The following CSMD1 variants were observed in gnomAD, a reference collection of about 807,000 sequenced individuals.
CSMD1 encodes CUB and Sushi multiple domains 1.
Under a neutral mutation model 417.5 loss-of-function variants are expected in CSMD1, and 213 were observed. That is an observed-to-expected ratio of 0.51 (90% CI 0.46 to 0.57). The LOEUF (loss-of-function observed/expected upper bound fraction) is 0.57, where lower values mean the gene tolerates loss of function less well. CSMD1 is among the 20% of genes least tolerant of loss of function. The pLI, the probability that CSMD1 is intolerant of heterozygous loss-of-function variation, is 0.00. For missense variants in CSMD1, 6,923 were observed against 4,529.7 expected, an observed-to-expected ratio of 1.53 and a Z score of -15.17; for synonymous variants, 2,862 against 1,736.8, an observed-to-expected ratio of 1.65 and a Z score of -16.11.
At chr8:3,451,276 T>A (rs547026272) in intron 12 of CSMD1, among the ~76,000 whole-genome samples, 1 of 152,358 alleles carries the variant, frequency 6.6e-6, no homozygotes, top group African/African-American at 2.4e-5. Flanking sequence ...GCCTGTTCAC[T>A]CTGATGGTAG....
At chr8:3,258,939 C>T (rs181958558) in intron 26 of CSMD1, among the ~76,000 whole-genome samples, 9 of 152,044 alleles carry the variant, frequency 5.9e-5, no homozygotes, top group Admixed American at 2.0e-4. Context: ...TGCGGTCTCC[C>T]GGATGGTGGA....
chr8:4,418,701 T>C (rs1338469165), intron 3 of CSMD1, among the ~76,000 whole-genome samples: 2 of 152,214 alleles, frequency 1.3e-5, no homozygotes, highest in Admixed American at 6.5e-5. Context: ...AAGTGGTACA[T>C]TGATATCATC....
chr8:4,593,214 G>T (rs1433613778), intron 2 of CSMD1, among the ~76,000 whole-genome samples: 1 of 152,268 alleles, frequency 6.6e-6, no homozygotes, highest in Non-Finnish European at 1.5e-5. Flanking sequence ...TCTGCCTTTT[G>T]CTGCTGCTGA....
At chr8:3,729,556 A>G (rs1427954009) in intron 6 of CSMD1, among the ~76,000 whole-genome samples, 1 of 152,198 alleles carries the variant, frequency 6.6e-6, no homozygotes, top group African/African-American at 2.4e-5. Context: ...GACAATGTCC[A>G]GAAGGTATCG....
intron 3 of CSMD1, among the ~76,000 whole-genome samples, chr8:4,413,932 A>T (rs1230945240): frequency 6.6e-6 from 1 of 152,144 alleles, no homozygotes; most frequent in Non-Finnish European, 1.5e-5. Flanking sequence ...AATTATTGAA[A>T]TTTTGCATTT....
intron 1 of CSMD1, among the ~76,000 whole-genome samples, chr8:4,947,629 C>T (rs1433548997): frequency 2.6e-5 from 4 of 152,046 alleles, no homozygotes; most frequent in Non-Finnish European, 2.9e-5. Context: ...TCTTCTTCCT[C>T]CCCCCAGTGA....
chr8:4,361,914 C>T (rs1287152979), intron 3 of CSMD1, among the ~76,000 whole-genome samples: 1 of 152,068 alleles, frequency 6.6e-6, no homozygotes, highest in Admixed American at 6.6e-5. Flanking sequence ...GAGTTCACTC[C>T]ACTGCACGCC....
intron 2 of CSMD1, among the ~76,000 whole-genome samples, chr8:4,600,885 C>G (rs1054167169): frequency 6.6e-6 from 1 of 151,888 alleles, no homozygotes; most frequent in Non-Finnish European, 1.5e-5. Flanking sequence ...TTTATACAGA[C>G]TGTTGAGGAA....
chr8:3,926,714 C>CTTT lies in CSMD1; in HGVS notation c.818+71186_818+71188dup, dbSNP rs56721822. On this transcript the variant is annotated intron_variant, in intron 5 of 69. Transcript: ENST00000635120. ...AATTAAATTCAAGTTAAATTGACAC[C>CTTT]TTTTTTTTTTTTTTTTTTTTTTTAT... is the stretch of plus-strand genomic sequence containing the variant. Among the ~76,000 whole-genome samples, 985 of 103,498 alleles carry CTTT rather than the reference C, an allele frequency of 9.5e-3. 44 individuals carry two copies. Among genetic ancestry groups the CTTT allele is most frequent in the African/African-American group, 0.013 (335 of 25,278 alleles). 67.9% of individuals were successfully genotyped at this position (103,498 alleles called of 152,430 possible).
intron 2 of CSMD1, among the ~76,000 whole-genome samples, chr8:4,428,249 A>T (rs528544275): frequency 6.6e-6 from 1 of 152,284 alleles, no homozygotes; most frequent in South Asian, 2.1e-4. Context: ...CAACTAGGAG[A>T]CTATCAACTT....
chr8:3,933,496 T>C (rs1281359477), intron 5 of CSMD1, among the ~76,000 whole-genome samples: 1 of 152,138 alleles, frequency 6.6e-6, no homozygotes, highest in Non-Finnish European at 1.5e-5. Flanking sequence ...GCCATGGTCT[T>C]CTTTAACAGA....
At chr8:3,604,620 G>A (rs375805935) in intron 8 of CSMD1, among the ~76,000 whole-genome samples, 1 of 152,044 alleles carries the variant, frequency 6.6e-6, no homozygotes, top group Non-Finnish European at 1.5e-5. Flanking sequence ...AAAATAGTAA[G>A]CAAGAAAAGG....
intron 1 of CSMD1, among the ~76,000 whole-genome samples, chr8:4,918,240 G>T (rs1266437267): frequency 6.6e-6 from 1 of 152,146 alleles, no homozygotes; most frequent in Non-Finnish European, 1.5e-5. Flanking sequence ...ATCACTCAAG[G>T]CCCCCTCCAT....
At chr8:4,147,036 T>C (rs1804179940) in intron 3 of CSMD1, among the ~76,000 whole-genome samples, 1 of 151,686 alleles carries the variant, frequency 6.6e-6, no homozygotes, top group Admixed American at 6.6e-5. Context: ...GATCGGGGGT[T>C]TTCTGGGCTT....
chr8:3,843,047 A>G (rs527981619), intron 5 of CSMD1, among the ~76,000 whole-genome samples: 47 of 152,182 alleles, frequency 3.1e-4, no homozygotes, highest in Non-Finnish European at 5.7e-4. Flanking sequence ...CATTTTGCAC[A>G]TGATAAATGT....
chr8:4,381,091 G>C (rs540347303), intron 3 of CSMD1, among the ~76,000 whole-genome samples: 1 of 152,136 alleles, frequency 6.6e-6, no homozygotes, highest in Non-Finnish European at 1.5e-5. Flanking sequence ...AGTAATTGTG[G>C]TTTTAGCCAT....
intron 6 of CSMD1, among the ~76,000 whole-genome samples, chr8:3,720,620 T>TTCTCTCACACAC (rs72331833): frequency 8.0e-4 from 115 of 143,418 alleles, no homozygotes; most frequent in Non-Finnish European, 1.3e-3. Context: ...TCTTTATTCT[T>TTCTCTCACACAC]ACACACACAC....
At chr8:4,348,970 C>T (rs981106557) in intron 3 of CSMD1, among the ~76,000 whole-genome samples, 8 of 152,122 alleles carry the variant, frequency 5.3e-5, no homozygotes, top group African/African-American at 1.9e-4. Context: ...TGAATTGCAC[C>T]ATATGCAAAA....
chr8:4,271,160 C>G (rs2128851557), intron 3 of CSMD1, among the ~76,000 whole-genome samples: 1 of 152,196 alleles, frequency 6.6e-6, no homozygotes, highest in East Asian at 1.9e-4. Context: ...CTACAGATAT[C>G]ATTTGCATTA....
Sources: gnomAD v4.1 joint callset for allele counts (sites outside exome capture counted in the v4.1 genomes callset) on GRCh38, gnomAD v4.1.1 for gene constraint, MANE v1.5 for transcripts, NCBI Gene and HGNC (gene_info 2026-07-23, HGNC 2026-07-21) for gene names.